NAV2: variants seen among roughly 807,000 people sequenced by gnomAD.
The protein encoded by NAV2 is helicase, APC down-regulated 1.
NAV2 carries 54 observed loss-of-function variants against 223.2 expected under a neutral mutation model. That is an observed-to-expected ratio of 0.24 (90% CI 0.19 to 0.30). The LOEUF is 0.30. NAV2 is among the 10% of genes least tolerant of loss of function. The pLI is 1.00. For missense variants in NAV2, 2,806 were observed against 3,147.5 expected, an observed-to-expected ratio of 0.89 and a Z score of 2.60; for synonymous variants, 1,279 against 1,239.3, an observed-to-expected ratio of 1.03 and a Z score of -0.67.
intron 1 of NAV2, among the ~76,000 whole-genome samples, chr11:19,473,214 C>G (rs1303907820): frequency 6.6e-6 from 1 of 152,114 alleles, no homozygotes; most frequent in African/African-American, 2.4e-5. Flanking sequence ...CCAAGTTAAG[C>G]TTGCTTCTTT....
intron 1 of NAV2, among the ~76,000 whole-genome samples, chr11:19,789,367 A>G (rs1458531065): frequency 2.0e-5 from 3 of 152,174 alleles, no homozygotes; most frequent in Non-Finnish European, 4.4e-5. Context: ...CCCAAAATCC[A>G]TCCTTTGACC....
chr11:19,485,641 T>G (rs1323957779), intron 1 of NAV2, among the ~76,000 whole-genome samples: 3 of 152,082 alleles, frequency 2.0e-5, no homozygotes, highest in African/African-American at 7.2e-5. Flanking sequence ...TTAATGCCCA[T>G]TAGGTTAAAT....
intron 22 of NAV2, among the ~76,000 whole-genome samples, chr11:20,076,089 C>T (rs2403559): frequency 0.32 from 48,592 of 151,864 alleles, 8,614 homozygotes; most frequent in African/African-American, 0.47. Context: ...TTTTCACCGG[C>T]CTTGTTTCAT....
At chr11:19,966,002 C>T (rs1442470201) in intron 10 of NAV2, among the ~76,000 whole-genome samples, 1 of 152,206 alleles carries the variant, frequency 6.6e-6, no homozygotes, top group East Asian at 1.9e-4. Flanking sequence ...GCGTGGCTTC[C>T]TGGGGATTGG....
intron 1 of NAV2, among the ~76,000 whole-genome samples, chr11:19,557,614 G>T (rs2044941241): frequency 6.6e-6 from 1 of 152,204 alleles, no homozygotes; most frequent in Non-Finnish European, 1.5e-5. Flanking sequence ...CCCTATCAGT[G>T]CTCATGTGGT....
chr11:19,685,721 T>A (rs571420381), intron 1 of NAV2, among the ~76,000 whole-genome samples: 1 of 152,286 alleles, frequency 6.6e-6, no homozygotes, highest in African/African-American at 2.4e-5. Flanking sequence ...TTTAAGTTGA[T>A]GAGTGATATT....
intron 1 of NAV2, among the ~76,000 whole-genome samples, chr11:19,668,645 C>G (rs1242739197): frequency 6.6e-6 from 1 of 151,676 alleles, no homozygotes; most frequent in Non-Finnish European, 1.5e-5. Context: ...GTGGGGCACA[C>G]TTTTCCTGTC....
At chr11:19,858,000 G>C (rs997380977) in intron 3 of NAV2, among the ~76,000 whole-genome samples, 5 of 152,172 alleles carry the variant, frequency 3.3e-5, no homozygotes, top group Non-Finnish European at 7.3e-5. Flanking sequence ...GGGACTACAG[G>C]CACCCGCCAC....
At chr11:19,968,849 A>T (rs1228078778) in intron 10 of NAV2, among the ~76,000 whole-genome samples, 2 of 152,140 alleles carry the variant, frequency 1.3e-5, no homozygotes, top group African/African-American at 4.8e-5. Context: ...GCGACTTCTC[A>T]GCCTGTCTTT....
intron 26 of NAV2, among the ~76,000 whole-genome samples, chr11:20,089,822 C>T (rs1030456227): frequency 6.6e-6 from 1 of 152,082 alleles, no homozygotes; most frequent in African/African-American, 2.4e-5. Flanking sequence ...AAGAGCAAAC[C>T]TAAGTAACTA....
chr11:19,569,520 T>C (rs2134876575), intron 1 of NAV2, among the ~76,000 whole-genome samples: 1 of 152,354 alleles, frequency 6.6e-6, no homozygotes, highest in African/African-American at 2.4e-5. Context: ...CTAATATCCA[T>C]CTCGGTCTGT....
intron 3 of NAV2, among the ~76,000 whole-genome samples, chr11:19,846,977 C>G (rs548380591): frequency 1.3e-5 from 2 of 152,326 alleles, no homozygotes; most frequent in Admixed American, 1.3e-4. Flanking sequence ...TTCCCTCTCC[C>G]CCACCAAATT....
chr11:19,610,235 C>A (rs916701355), intron 1 of NAV2, among the ~76,000 whole-genome samples: 1 of 152,184 alleles, frequency 6.6e-6, no homozygotes, highest in Admixed American at 6.5e-5. Context: ...TAGTTCAATT[C>A]AATCATTTTT....
At position 19,873,902 on chromosome 11, in the gene NAV2, C is replaced by T. The variant is rs866611938; in HGVS notation, c.511+4905C>T. ...AGTTAAGTGGTGAATGCTGATTATG[C>T]AGCCGGCCCAACTGCAGGGACAATG... On this transcript the variant is annotated intron_variant, in intron 4 of 37. Coordinates refer to ENST00000349880, the MANE Select transcript of NAV2 (RefSeq NM_145117.5). 1.3e-4 allele frequency among the ~76,000 whole-genome samples: 20 copies of T among 152,258 alleles called. No individual in the cohort carries two copies. In the Middle Eastern group the frequency reaches 0.014, roughly 104 times the overall value.
intron 20 of NAV2, among the ~76,000 whole-genome samples, chr11:20,064,229 TACTTTCAAACCTA>T (rs1564966035): frequency 6.6e-6 from 1 of 152,200 alleles, no homozygotes; most frequent in African/African-American, 2.4e-5. Context: ...CCAAGGCTGG[TACTTTCAAACCTA>T]AATGCACTTC....
chr11:19,774,217 C>T (rs1442943896), intron 1 of NAV2, among the ~76,000 whole-genome samples: 33 of 152,198 alleles, frequency 2.2e-4, no homozygotes, highest in Admixed American at 2.0e-3. Flanking sequence ...TACTCTGTTG[C>T]CCAGGCTGGA....
chr11:19,489,029 T>TC (rs1433870787), intron 1 of NAV2, among the ~76,000 whole-genome samples: 2 of 152,198 alleles, frequency 1.3e-5, no homozygotes, highest in Non-Finnish European at 2.9e-5. Context: ...AGTCTACCAT[T>TC]CAGTCAATCC....
At chr11:19,459,985 G>T (rs1228683672) in intron 1 of NAV2, among the ~76,000 whole-genome samples, 1 of 152,184 alleles carries the variant, frequency 6.6e-6, no homozygotes, top group Non-Finnish European at 1.5e-5. Context: ...TTTAGACTTG[G>T]AGAGATTAGG....
intron 1 of NAV2, among the ~76,000 whole-genome samples, chr11:19,732,163 G>T (rs974979948): frequency 6.6e-6 from 1 of 152,040 alleles, no homozygotes; most frequent in Non-Finnish European, 1.5e-5. Context: ...GGAGGCTGAG[G>T]CAGGAGAATC....
Sources: gnomAD v4.1 joint callset for allele counts (sites outside exome capture counted in the v4.1 genomes callset) on GRCh38, gnomAD v4.1.1 for gene constraint, MANE v1.5 for transcripts, NCBI Gene and HGNC (gene_info 2026-07-23, HGNC 2026-07-21) for gene names.